Variants in SEMA5A observed in about 807,000 individuals in gnomAD.
The protein encoded by SEMA5A is semaphorin 5A, also known as semaphorin-5A.
SEMA5A carries 55 observed loss-of-function variants against 135.5 expected under a neutral mutation model. The ratio of observed to expected loss-of-function variants is 0.41; its 90% confidence interval spans 0.33 to 0.51. The LOEUF (loss-of-function observed/expected upper bound fraction) is 0.51, where lower values mean the gene tolerates loss of function less well. Among genes scored for constraint, SEMA5A ranks in the 20% least tolerant of loss-of-function variants. The probability of loss-of-function intolerance (pLI) is 0.37; values close to 1 mark genes in which losing one functional copy is unlikely to be tolerated. For missense variants in SEMA5A, 1,290 were observed against 1,419.9 expected, an observed-to-expected ratio of 0.91 and a Z score of 1.47; for synonymous variants, 580 against 546.5, an observed-to-expected ratio of 1.06 and a Z score of -0.85.
chr5:9,160,353 C>T (rs957592365), intron 11 of SEMA5A, among the ~76,000 whole-genome samples: 2 of 152,108 alleles, frequency 1.3e-5, no homozygotes, highest in African/African-American at 2.4e-5. Flanking sequence ...CATCCTTGGG[C>T]AAACAGTGAA....
chr5:9,066,632 G>C lies in SEMA5A; in HGVS notation c.2088C>G (p.Cys696Trp). 2 of 1,614,070 alleles carry C rather than the reference G, an allele frequency of 1.2e-6. No homozygotes were observed. The highest frequency in any genetic ancestry group is 1.7e-6 in the Non-Finnish European group (2 of 1,180,028). The change falls in exon 17 of 23, where the codon TGC becomes TGG. Residue 696 changes from cysteine to tryptophan, a missense_variant. By Grantham distance (215) the Cys-to-Trp change is radical. Around this residue, in one of 3 missense-constraint regions of SEMA5A, gnomAD observed 1,029 missense variants for 1,086.6 expected, o/e 0.95. Transcript: ENST00000382496. ...CAGCNVEYQS[C>W]NTNPCPELKK... ...TCAGCTCAGGACACGGGTTGGTGTT[G>C]CAAGACTGGTACTCCTGGGGAGAAT...
intron 11 of SEMA5A, among the ~76,000 whole-genome samples, chr5:9,180,553 TC>T (rs1744449075): frequency 6.6e-6 from 1 of 152,194 alleles, no homozygotes; most frequent in South Asian, 2.1e-4. Context: ...TAATACTTGT[TC>T]CTGACACTTA....
chr5:9,419,152 G>A (rs1757379889), intron 2 of SEMA5A, among the ~76,000 whole-genome samples: 1 of 151,868 alleles, frequency 6.6e-6, no homozygotes, highest in Non-Finnish European at 1.5e-5. Context: ...GGAGTAAGTT[G>A]TTCAATTTCC....
chr5:9,067,719 G>T (rs1203284353), intron 16 of SEMA5A, among the ~76,000 whole-genome samples: 1 of 152,034 alleles, frequency 6.6e-6, no homozygotes, highest in Non-Finnish European at 1.5e-5. Context: ...AAATTCCTTT[G>T]GTTTTAGAAA....
chr5:9,066,819 A>T (rs1737498969), intron 16 of SEMA5A, among the ~76,000 whole-genome samples, 173 bp from the exon 17 acceptor site: 1 of 152,160 alleles, frequency 6.6e-6, no homozygotes, highest in Admixed American at 6.5e-5. Flanking sequence ...ATTCAACAGA[A>T]TGCTCAGTGT....
At chr5:9,312,003 A>C (rs1752159113) in intron 5 of SEMA5A, among the ~76,000 whole-genome samples, 1 of 152,150 alleles carries the variant, frequency 6.6e-6, no homozygotes, top group South Asian at 2.1e-4. Context: ...GCTATTTCCC[A>C]AAAGAATTTT....
chr5:9,278,356 T>TCC lies in SEMA5A; in HGVS notation c.270+40015_270+40016insGG, dbSNP rs1272008747. On this transcript the variant is annotated intron_variant, in intron 5 of 22. Transcript: ENST00000382496. ...TCTGATTGTTTCTAAAAGTGTATGT[T>TCC]CATATGCATGAACAAAGAGATTATC... Among the ~76,000 whole-genome samples, 16 of 152,252 alleles carry TCC rather than the reference T, an allele frequency of 1.1e-4. No homozygotes were observed. The East Asian group carries it at 2.9e-3, about 28-fold the overall frequency.
Position 9,108,194 on chromosome 5 carries a change from A to G in SEMA5A, c.2019T>C (p.Ile673=). The G allele has an allele frequency of 6.2e-7, 1 of 1,614,134 alleles. No homozygotes were observed. The highest frequency in any genetic ancestry group is 8.5e-7 in the Non-Finnish European group (1 of 1,180,018). ...ERCTAQCGGG[I]QARRRICENG... Reference sequence around the variant, plus strand: ...TCTCACAGATCCTGCGGCGAGCTTGAATGCCACCCCCGCATTGGGCTGTGC... The same window carrying G: ...TCTCACAGATCCTGCGGCGAGCTTGGATGCCACCCCCGCATTGGGCTGTGC... The change falls in exon 16 of 23, where the codon ATT becomes ATC. Residue 673 remains isoleucine (I), a synonymous_variant. Coordinates refer to ENST00000382496, the MANE Select transcript of SEMA5A (RefSeq NM_003966.3).
chr5:9,490,115 G>A (rs1734927824), intron 1 of SEMA5A, among the ~76,000 whole-genome samples: 1 of 152,070 alleles, frequency 6.6e-6, no homozygotes, highest in Admixed American at 6.5e-5. Context: ...AAATGTCTGA[G>A]CAAATTTCAT....
Position 9,224,879 on chromosome 5 carries a change from G to A in SEMA5A, c.441C>T (p.Asn147=). The A allele has an allele frequency of 6.2e-7, 1 of 1,612,260 alleles. No individual in the cohort carries two copies. Among genetic ancestry groups the A allele is most frequent in the East Asian group, 2.2e-5 (1 of 44,814 alleles). The change falls in exon 8 of 23, where the codon AAC becomes AAT. Residue 147 remains asparagine (N), a synonymous_variant. Coordinates refer to ENST00000382496, the MANE Select transcript of SEMA5A (RefSeq NM_003966.3). ...TGATCTGATCATGGATCTCAGTCAG[G>A]TTGCTCAACTGTGGGGGAGGATGAG... ...TPVCTNRSLS[N]LTEIHDQISG...
At chr5:9,207,132 A>ATATATATATATATATG (rs1746075818) in intron 8 of SEMA5A, among the ~76,000 whole-genome samples, 1 of 134,478 alleles carries the variant, frequency 7.4e-6, no homozygotes, top group Non-Finnish European at 1.6e-5. Flanking sequence ...ATATATATAT[A>ATATATATATATATATG]TAAAGCTTAA....
chr5:9,313,852 C>T (rs893173763), intron 5 of SEMA5A, among the ~76,000 whole-genome samples: 12 of 152,104 alleles, frequency 7.9e-5, no homozygotes, highest in Middle Eastern at 3.2e-3. Flanking sequence ...GGAAAATAGC[C>T]TACAGTTTGG....
chr5:9,441,440 G>A (rs181581361), intron 1 of SEMA5A, among the ~76,000 whole-genome samples: 41 of 152,168 alleles, frequency 2.7e-4, no homozygotes, highest in African/African-American at 9.4e-4. Flanking sequence ...AGCCATTTAC[G>A]CCAGCACCAT....
intron 2 of SEMA5A, among the ~76,000 whole-genome samples, chr5:9,384,645 TAG>T (rs750702739): frequency 0.039 from 3,815 of 98,786 alleles, 287 homozygotes; most frequent in African/African-American, 0.059. Flanking sequence ...GATAGATAGA[TAG>T]ATAGATAGAT....
At chr5:9,311,492 G>C (rs1450753261) in intron 5 of SEMA5A, among the ~76,000 whole-genome samples, 1 of 145,148 alleles carries the variant, frequency 6.9e-6, no homozygotes, top group African/African-American at 2.5e-5. Context: ...CTATCGCAAG[G>C]ACAAAAAAAC....
intron 2 of SEMA5A, among the ~76,000 whole-genome samples, chr5:9,388,171 G>T (rs758270061): frequency 2.0e-5 from 3 of 152,120 alleles, no homozygotes; most frequent in Non-Finnish European, 4.4e-5. Context: ...AGGACCTCAT[G>T]ATATAAAATG....
chr5:9,239,788 C>T (rs761272942), intron 5 of SEMA5A, among the ~76,000 whole-genome samples: 2 of 151,878 alleles, frequency 1.3e-5, no homozygotes, highest in Non-Finnish European at 2.9e-5. Flanking sequence ...CAGTGAAATA[C>T]TTTAGATAAA....
chr5:9,418,438 A>C (rs575076220), intron 2 of SEMA5A, among the ~76,000 whole-genome samples: 2 of 152,296 alleles, frequency 1.3e-5, no homozygotes, highest in East Asian at 3.9e-4. Flanking sequence ...AACACTTCCT[A>C]TATGCAAAGC....
intron 5 of SEMA5A, among the ~76,000 whole-genome samples, chr5:9,310,436 A>G (rs1342186225): frequency 6.6e-6 from 1 of 152,178 alleles, no homozygotes; most frequent in Non-Finnish European, 1.5e-5. Context: ...CAATAAGAAC[A>G]TATGACAAAG....
Sources: allele counts gnomAD v4.1 joint callset (sites outside exome capture counted in the v4.1 genomes callset), GRCh38; gene constraint gnomAD v4.1.1; regional missense constraint gnomAD v4.1.1; transcripts MANE v1.5; gene names NCBI Gene and HGNC (gene_info 2026-07-23, HGNC 2026-07-21).